The following MARK4 variants were observed in gnomAD, a reference collection of about 807,000 sequenced individuals.
MARK4 encodes MAP/microtubule affinity-regulating kinase 4.
Under a neutral mutation model 81.5 loss-of-function variants are expected in MARK4, and 19 were observed. That is an observed-to-expected ratio of 0.23 (90% CI 0.16 to 0.34). The LOEUF (loss-of-function observed/expected upper bound fraction) is 0.34. Among genes scored for constraint, MARK4 ranks in the 10% least tolerant of loss-of-function variants. The pLI is 1.00. For missense variants in MARK4, 772 were observed against 1,058.8 expected (o/e 0.73, Z 3.76); for synonymous variants, 436 against 439.0 (o/e 0.99, Z 0.08).
Position 45,287,479 on chromosome 19 carries a change from C to T in MARK4, c.1309C>T (p.Arg437Cys), listed in dbSNP as rs752141498. 8.1e-6 allele frequency: 12 copies of T among 1,488,540 alleles called. No homozygotes were observed. The Admixed American group carries it at 1.2e-4, about 15-fold the overall frequency. The allele number at this position is 1,488,540 out of a possible 1,614,324, so 92.2% of individuals were successfully genotyped here. A position where few individuals can be genotyped will look rare whatever the true frequency, so the allele number is the denominator to read the frequency against. Residue 437 changes from arginine (R) to cysteine (C), a missense_variant, in exon 13 of 17, where the codon CGC (arginine) becomes TGC (cysteine). By Grantham distance (180) the Arg-to-Cys change is radical. Around this residue, in one of 3 missense-constraint regions of MARK4, gnomAD observed 548 missense variants for 624.3 expected, o/e 0.88. Transcript: ENST00000262891. Reference protein sequence around the residue: ...GPSPAPLHPKRSPTSTGEAEL... With the variant: ...GPSPAPLHPKCSPTSTGEAEL... ...ATCCCCTGCACCCCTGCACCCCAAA[C>T]GCAGCCCGACGAGCACGGGGGAGGC...
At chr19:45,299,326 A>G (rs917133313) in intron 15 of MARK4, among the ~76,000 whole-genome samples, 1 of 152,190 alleles carries the variant, frequency 6.6e-6, no homozygotes, top group East Asian at 1.9e-4. Context: ...TCAGGGGCCA[A>G]GGCAGGAAGA....
rs538095508 is a variant in MARK4 at position 45,255,862 on chromosome 19, G to A, written c.52-3127G>A. The stretch of plus-strand genomic sequence containing the variant: ...ACAGGCAGAACTGCCTTGGCGGGAG[G>A]CCTCAGGCACCCTGAGCCCCAGCCC... On this transcript the variant is annotated intron_variant, in intron 1 of 16. Coordinates refer to ENST00000262891, the MANE Select transcript of MARK4 (RefSeq NM_001199867.2). Among the ~76,000 whole-genome samples the A allele has an allele frequency of 2.7e-5, 4 of 150,748 alleles. No individual in the cohort carries two copies. In the East Asian group the frequency reaches 7.7e-4, roughly 29 times the overall value.
intron 14 of MARK4, 29 bp from the exon 15 acceptor site, chr19:45,297,647 C>T (rs2123109029): frequency 6.8e-7 from 1 of 1,472,050 alleles, no homozygotes; most frequent in East Asian, 2.3e-5. Flanking sequence ...CTCAGTCCCC[C>T]ACCCTGACTT....
At chr19:45,281,401 C>G (rs1007677211) in intron 12 of MARK4, among the ~76,000 whole-genome samples, 63 of 143,376 alleles carry the variant, frequency 4.4e-4, no homozygotes, top group African/African-American at 1.3e-3. Flanking sequence ...CACTCTGTAT[C>G]CCAGGCTGGA....
intron 16 of MARK4, among the ~76,000 whole-genome samples, chr19:45,300,278 G>A (rs1970950437): frequency 6.8e-6 from 1 of 147,314 alleles, no homozygotes; most frequent in African/African-American, 2.5e-5. Context: ...CCGGGAGGCA[G>A]AGGTTGCGGT....
intron 12 of MARK4, among the ~76,000 whole-genome samples, chr19:45,283,594 T>G (rs1254765890): frequency 6.6e-6 from 1 of 152,182 alleles, no homozygotes. Flanking sequence ...GGTTCATCCA[T>G]GATATGGGTA....
intron 1 of MARK4, among the ~76,000 whole-genome samples, chr19:45,255,712 G>A (rs997911818): frequency 6.6e-6 from 1 of 152,216 alleles, no homozygotes; most frequent in Non-Finnish European, 1.5e-5. Flanking sequence ...AACGTTAGTT[G>A]TCGTTGCTAT....
chr19:45,295,627 T>G (rs1970877184), intron 14 of MARK4, among the ~76,000 whole-genome samples: 1 of 151,994 alleles, frequency 6.6e-6, no homozygotes, highest in African/African-American at 2.4e-5. Context: ...ATACAAAAAT[T>G]AGCCAGGAAC....
chr19:45,280,296 T>G (rs1970654173), intron 10 of MARK4, 78 bp from the exon 11 acceptor site: 1 of 1,306,870 alleles, frequency 7.7e-7, no homozygotes, highest in Admixed American at 1.7e-5. Flanking sequence ...AGTGACACCC[T>G]GTCTCAAAAA....
chr19:45,262,299 C>T (rs73036545), intron 2 of MARK4, among the ~76,000 whole-genome samples: 1 of 130,246 alleles, frequency 7.7e-6, no homozygotes, highest in African/African-American at 3.0e-5. Flanking sequence ...TGTAACACCA[C>T]TGTACTCTAG....
At chr19:45,290,174 C>A (rs1970803065) in intron 13 of MARK4, among the ~76,000 whole-genome samples, 1 of 152,232 alleles carries the variant, frequency 6.6e-6, no homozygotes, top group African/African-American at 2.4e-5. Flanking sequence ...ATCTTTTTAA[C>A]TTCTTCTTAG....
chr19:45,294,015 G>A (rs1038111726), intron 13 of MARK4, among the ~76,000 whole-genome samples: 5 of 152,168 alleles, frequency 3.3e-5, no homozygotes, highest in Admixed American at 2.0e-4. Flanking sequence ...ATTAGCAAAC[G>A]TTTGGTGTGG....
In MARK4 at chr19:45,287,910, G is replaced by A. The variant is rs184833286; in HGVS notation, c.1494+246G>A. ...AGAAGTGCAGAACGTACTCTTGGCA[G>A]AAAGGATTTAATACAGGAAATTAAG... On this transcript the variant is annotated intron_variant, in intron 13 of 16. Coordinates refer to ENST00000262891, the MANE Select transcript of MARK4 (RefSeq NM_001199867.2). The A allele has an allele frequency of 1.5e-3, 887 of 578,640 alleles. 3 individuals carry two copies. Among genetic ancestry groups the A allele is most frequent in the Admixed American group, 2.3e-3 (80 of 34,644 alleles). The allele number at this position is 578,640 out of a possible 1,614,324, so 35.8% of individuals were successfully genotyped here.
chr19:45,264,050 G>A (rs879615690), intron 4 of MARK4, among the ~76,000 whole-genome samples: 1 of 152,134 alleles, frequency 6.6e-6, no homozygotes, highest in South Asian at 2.1e-4. Flanking sequence ...GTTTAGCTCC[G>A]CCTGGATGTG....
intron 1 of MARK4, among the ~76,000 whole-genome samples, chr19:45,253,606 G>A (rs774761806): frequency 6.6e-6 from 1 of 152,148 alleles, no homozygotes; most frequent in African/African-American, 2.4e-5. Context: ...TCAGCTCAGG[G>A]CTGTTATTGG....
At chr19:45,290,315 C>T (rs1485767699) in intron 13 of MARK4, among the ~76,000 whole-genome samples, 1 of 152,216 alleles carries the variant, frequency 6.6e-6, no homozygotes, top group Non-Finnish European at 1.5e-5. Context: ...AGGAGGCACC[C>T]AGCCGTGGTG....
At chr19:45,251,907 G>A (rs1378095310) in intron 1 of MARK4, among the ~76,000 whole-genome samples, 2 of 151,920 alleles carry the variant, frequency 1.3e-5, no homozygotes, top group East Asian at 1.9e-4. Context: ...CCTCCAGGAA[G>A]CCCCTTCCCC....
rs377727039 is a variant in MARK4, at chr19:45,302,331, C to G, written c.1923-43C>G. On this transcript the variant is annotated intron_variant, in intron 16 of 16. Coordinates refer to ENST00000262891, the MANE Select transcript of MARK4 (RefSeq NM_001199867.2). The surrounding 1 kb of genome is among the most constrained non-coding windows in gnomAD (Gnocchi z 4.9). Reference sequence around the variant, plus strand: ...GTCCCTTCAGCCCTCCACCACATTCCTCTTCGCTCCCATCTCTGACCCCTG... The same window carrying G: ...GTCCCTTCAGCCCTCCACCACATTCGTCTTCGCTCCCATCTCTGACCCCTG... 9.7e-5 allele frequency: 156 copies of G among 1,613,220 alleles called. No individual in the cohort carries two copies. The highest frequency in any genetic ancestry group is 1.3e-4 in the Non-Finnish European group (151 of 1,179,590).
At chr19:45,268,292 A>T (rs894844214) in intron 7 of MARK4, among the ~76,000 whole-genome samples, 1 of 151,948 alleles carries the variant, frequency 6.6e-6, no homozygotes, top group African/African-American at 2.4e-5. Context: ...AAATAATTGT[A>T]AAAAATTAGC....
Sources: allele counts gnomAD v4.1 joint callset (sites outside exome capture counted in the v4.1 genomes callset), GRCh38; gene constraint gnomAD v4.1.1; regional missense constraint gnomAD v4.1.1; non-coding constraint Gnocchi (gnomAD v3.1); transcripts MANE v1.5; gene names NCBI Gene and HGNC (gene_info 2026-07-23, HGNC 2026-07-21).